Variants in SUGCT observed in about 807,000 individuals in gnomAD.
SUGCT encodes succinyl-CoA:glutarate-CoA transferase.
In SUGCT, 41 loss-of-function variants were observed where a neutral mutation model predicts 55.0. That is an observed-to-expected ratio of 0.74 (90% CI 0.58 to 0.97). The LOEUF is 0.97. Ranked by LOEUF, SUGCT falls within the 50% of genes least tolerant of loss-of-function variation. The pLI is 0.00. For synonymous variants in SUGCT, 187 were observed against 200.4 expected (o/e 0.93, Z 0.56); for missense variants, 568 against 547.8 (o/e 1.04, Z -0.37).
chr7:40,295,148 A>T (rs1794039578), intron 8 of SUGCT, among the ~76,000 whole-genome samples: 1 of 152,218 alleles, frequency 6.6e-6, no homozygotes, highest in Non-Finnish European at 1.5e-5. Flanking sequence ...AACAAAAGAA[A>T]TTCATATTAG....
chr7:40,649,921 G>A (rs1322658688), intron 12 of SUGCT, among the ~76,000 whole-genome samples: 1 of 152,184 alleles, frequency 6.6e-6, no homozygotes, highest in Non-Finnish European at 1.5e-5. Flanking sequence ...ATGACTTAAA[G>A]CAAACATTTA....
chr7:40,296,328 A>G (rs1365949825), intron 8 of SUGCT, among the ~76,000 whole-genome samples: 1 of 152,134 alleles, frequency 6.6e-6, no homozygotes, highest in Non-Finnish European at 1.5e-5. Context: ...CACGTGCTTC[A>G]CCTACTTTAT....
At chr7:40,878,099 TA>T in the SUGCT span, among the ~76,000 whole-genome samples, 554 of 152,318 alleles carry the variant, frequency 3.6e-3, 4 homozygotes, top group African/African-American at 0.013. Context: ...CTTCTTTTTT[TA>T]AAACCAGGGC....
At chr7:40,819,712 T>C (rs1791876779) in intron 13 of SUGCT, among the ~76,000 whole-genome samples, 1 of 152,248 alleles carries the variant, frequency 6.6e-6, no homozygotes, top group Non-Finnish European at 1.5e-5. Context: ...TTAGGTTGCC[T>C]GTTCACTCTG....
chr7:40,345,306 C>T (rs1406520734), intron 9 of SUGCT, among the ~76,000 whole-genome samples: 1 of 152,172 alleles, frequency 6.6e-6, no homozygotes, highest in Non-Finnish European at 1.5e-5. Context: ...GAGGGATAAA[C>T]ACTGTCCTAA....
chr7:40,768,423 TCAACTCGC>T (rs1788915844), intron 13 of SUGCT, among the ~76,000 whole-genome samples: 1 of 152,130 alleles, frequency 6.6e-6, no homozygotes, highest in African/African-American at 2.4e-5. Flanking sequence ...GAATGATGTT[TCAACTCGC>T]CTTGGCCACT....
intron 4 of SUGCT, among the ~76,000 whole-genome samples, 194 bp downstream of exon 4, chr7:40,188,774 C>T (rs985507780): frequency 2.0e-5 from 3 of 151,896 alleles, no homozygotes; most frequent in African/African-American, 7.3e-5. Flanking sequence ...TCTTTCTTAC[C>T]TACTAAGTAA....
intron 7 of SUGCT, among the ~76,000 whole-genome samples, chr7:40,242,935 T>TATATATATATATA (rs1562605220): frequency 4.2e-5 from 1 of 23,844 alleles, no homozygotes; most frequent in Admixed American, 5.2e-4. Context: ...ATATATATAT[T>TATATATATATATA]TTTTTTTTTT....
intron 6 of SUGCT, among the ~76,000 whole-genome samples, chr7:40,213,276 A>G (rs1787447433): frequency 1.3e-5 from 2 of 152,152 alleles, no homozygotes; most frequent in Admixed American, 1.3e-4. Flanking sequence ...GATTTCTCCA[A>G]CATGTAACAG....
intron 12 of SUGCT, among the ~76,000 whole-genome samples, chr7:40,725,639 A>G (rs758032518): frequency 5.3e-5 from 8 of 150,192 alleles, no homozygotes; most frequent in Non-Finnish European, 1.2e-4. Context: ...TTTGTCCCCT[A>G]TGAGGAAGCT....
At chr7:40,239,265 G>C (rs550359581) in intron 7 of SUGCT, among the ~76,000 whole-genome samples, 24 of 152,098 alleles carry the variant, frequency 1.6e-4, no homozygotes, top group Non-Finnish European at 3.4e-4. Context: ...ATTTTTTGTA[G>C]AGATGGTGTC....
At chr7:40,820,796 C>G (rs985443535) in intron 13 of SUGCT, among the ~76,000 whole-genome samples, 5 of 152,164 alleles carry the variant, frequency 3.3e-5, no homozygotes, top group Admixed American at 6.5e-5. Flanking sequence ...ACTTCCAACA[C>G]TATGTTGAAT....
chr7:41,015,095 C>A, the SUGCT span, among the ~76,000 whole-genome samples: 1 of 152,118 alleles, frequency 6.6e-6, no homozygotes. Flanking sequence ...GAATCACTGA[C>A]AAAGAGGTAA....
At position 40,255,717 on chromosome 7, in the gene SUGCT, G is replaced by A. The variant is rs1030030658; in HGVS notation, c.576+17991G>A. ...ATAACTGTCTGCATTGTTTGTTTAT[G>A]ATCTGTAGCTTTGCATATTTTCCTT... is the stretch of plus-strand genomic sequence containing the variant. On this transcript the variant is annotated intron_variant, in intron 7 of 13. Coordinates refer to ENST00000335693, the MANE Select transcript of SUGCT (RefSeq NM_001193313.2). Among the ~76,000 whole-genome samples, 3 of 139,490 alleles carry A rather than the reference G, an allele frequency of 2.2e-5. No individual in the cohort carries two copies. In the Admixed American group the frequency reaches 2.2e-4, roughly 10 times the overall value. The allele number at this position is 139,490 out of a possible 152,430, so 91.5% of individuals were successfully genotyped here.
chr7:40,809,395 T>C (rs1024465261), intron 13 of SUGCT, among the ~76,000 whole-genome samples: 2 of 152,154 alleles, frequency 1.3e-5, no homozygotes, highest in Non-Finnish European at 2.9e-5. Context: ...GGTAACACTA[T>C]ATTTTATTCT....
the SUGCT span, among the ~76,000 whole-genome samples, chr7:40,970,419 G>A: frequency 6.6e-6 from 1 of 152,154 alleles, no homozygotes; most frequent in South Asian, 2.1e-4. Flanking sequence ...TGATCCGTCT[G>A]TCTTGGCCTC....
rs374415120 is a variant in SUGCT at position 40,260,801 on chromosome 7, G to A, written c.577-13712G>A. 4.5e-4 allele frequency among the ~76,000 whole-genome samples: 68 copies of A among 152,108 alleles called. 1 individual carries two copies. The highest frequency in any genetic ancestry group is 2.1e-3 in the South Asian group (10 of 4,806). ...CGAGTAGCTGGGACTACAGGTGTGCGCCACCATGCCTGGCTAATTTTTGTA... is the reference window on the plus strand; with the variant it reads ...CGAGTAGCTGGGACTACAGGTGTGCACCACCATGCCTGGCTAATTTTTGTA... On this transcript the variant is annotated intron_variant, in intron 7 of 13. Coordinates refer to ENST00000335693, the MANE Select transcript of SUGCT (RefSeq NM_001193313.2).
At chr7:40,317,454 C>A (rs1795501731) in intron 9 of SUGCT, among the ~76,000 whole-genome samples, 1 of 152,128 alleles carries the variant, frequency 6.6e-6, no homozygotes, top group African/African-American at 2.4e-5. Flanking sequence ...TTCTTCCAAT[C>A]CAGTTGCTTG....
At chr7:40,180,625 A>G (rs187885315) in intron 1 of SUGCT, among the ~76,000 whole-genome samples, 102 of 151,688 alleles carry the variant, frequency 6.7e-4, no homozygotes, top group Admixed American at 1.8e-3. Flanking sequence ...GATAATTGAG[A>G]TTACAGGCAT....
Sources: allele counts gnomAD v4.1 joint callset (sites outside exome capture counted in the v4.1 genomes callset), GRCh38; gene constraint gnomAD v4.1.1; transcripts MANE v1.5; gene names NCBI Gene and HGNC (gene_info 2026-07-23, HGNC 2026-07-21).